The following SCN11A variants were observed in gnomAD, a reference collection of about 807,000 sequenced individuals.
The protein encoded by SCN11A is sodium channel protein type 11 subunit alpha.
A neutral mutation model predicts 162.2 loss-of-function variants in SCN11A; 122 were observed. The ratio of observed to expected loss-of-function variants is 0.75; its 90% CI spans 0.65 to 0.87. The LOEUF is 0.87. SCN11A is among the 40% of genes least tolerant of loss of function. The pLI is 0.00. For missense variants in SCN11A, 2,015 were observed against 2,181.6 expected, an observed-to-expected ratio of 0.92 and a Z score of 1.52; for synonymous variants, 758 against 751.5, an observed-to-expected ratio of 1.01 and a Z score of -0.14.
intron 2 of SCN11A, among the ~76,000 whole-genome samples, chr3:38,960,987 T>G (rs1360972408): frequency 6.6e-6 from 1 of 152,166 alleles, no homozygotes; most frequent in African/African-American, 2.4e-5. Flanking sequence ...TTTTTTTTGT[T>G]GTTTGTTTGT....
chr3:38,884,199 T>G lies in SCN11A; in HGVS notation c.3065-812A>C, dbSNP rs574841305. Among the ~76,000 whole-genome samples, 3 of 152,342 alleles carry G rather than the reference T, an allele frequency of 2.0e-5. No homozygotes were observed. In the South Asian group the frequency reaches 6.2e-4, roughly 32 times the overall value. ...TCTTCCAAAAACATCAGTAGGTTCA[T>G]CTTCCTAAAAGACTACACTTTTTTC... On this transcript the variant is annotated intron_variant, in intron 21 of 29. Coordinates refer to ENST00000302328, the MANE Select transcript of SCN11A (RefSeq NM_001349253.2).
In SCN11A at chr3:38,894,824, G is replaced by C. The variant is rs775972789; in HGVS notation, c.2544C>G (p.His848Gln). Residue 848 changes from histidine to glutamine, a missense_variant, in exon 19 of 30, where the codon CAC becomes CAG. His to Gln is a conservative substitution (Grantham distance 24). Transcript: ENST00000302328. ...ACTTGTGACAGAAATGCTCAAGAGT[G>C]TGTCTCACAAAACAAAAAGCCCGGC... ...RFRRAFCFVR[H>Q]TLEHFCHKWC... The C allele has an allele frequency of 6.2e-7, 1 of 1,614,198 alleles. No individual in the cohort carries two copies. Among genetic ancestry groups the C allele is most frequent in the Non-Finnish European group, 8.5e-7 (1 of 1,180,034 alleles).
intron 2 of SCN11A, among the ~76,000 whole-genome samples, chr3:38,960,728 C>G (rs765529597): frequency 1.2e-4 from 18 of 152,202 alleles, no homozygotes; most frequent in Non-Finnish European, 2.4e-4. Context: ...ACCCAGTGTT[C>G]TGGGGTCTCA....
At chr3:38,878,461 T>G (rs1347660238) in intron 23 of SCN11A, among the ~76,000 whole-genome samples, 1 of 152,094 alleles carries the variant, frequency 6.6e-6, no homozygotes, top group Non-Finnish European at 1.5e-5. Flanking sequence ...AATGTAGGGC[T>G]TGTATCCGGT....
chr3:38,932,706 C>T (rs1412282836), intron 7 of SCN11A, among the ~76,000 whole-genome samples: 1 of 152,216 alleles, frequency 6.6e-6, no homozygotes, highest in African/African-American at 2.4e-5. Flanking sequence ...CTTAGGTAAA[C>T]AAAGCAGCCG....
intron 2 of SCN11A, among the ~76,000 whole-genome samples, chr3:39,019,502 G>C (rs1488559325): frequency 3.3e-5 from 5 of 152,142 alleles, no homozygotes; most frequent in Admixed American, 2.6e-4. Context: ...TTTCTTTACT[G>C]CAATGCCATG....
intron 1 of SCN11A, among the ~76,000 whole-genome samples, chr3:39,034,579 G>A (rs1487222391): frequency 6.6e-6 from 1 of 152,144 alleles, no homozygotes; most frequent in Non-Finnish European, 1.5e-5. Context: ...CACTGTTATT[G>A]AATATTTTAA....
At chr3:39,014,723 A>G (rs2031241744) in intron 2 of SCN11A, among the ~76,000 whole-genome samples, 1 of 152,226 alleles carries the variant, frequency 6.6e-6, no homozygotes, top group African/African-American at 2.4e-5. Flanking sequence ...TAGGAATCCT[A>G]TAAATCCATG....
At chr3:38,911,370 A>G (rs2065885557) in intron 11 of SCN11A, among the ~76,000 whole-genome samples, 1 of 152,202 alleles carries the variant, frequency 6.6e-6, no homozygotes, top group Non-Finnish European at 1.5e-5. Context: ...CTGTGTTGCT[A>G]TTAAGAATTC....
chr3:38,877,054 A>ATATATGGTATATATATGGTGTATATAC, intron 23 of SCN11A, among the ~76,000 whole-genome samples: 1 of 98,822 alleles, frequency 1.0e-5, no homozygotes. Context: ...TGTATATACT[A>ATATATGGTATATATATGGTGTATATAC]TATATATGGT....
chr3:39,006,245 G>A (rs1188524059), intron 2 of SCN11A, among the ~76,000 whole-genome samples: 1 of 152,068 alleles, frequency 6.6e-6, no homozygotes, highest in Non-Finnish European at 1.5e-5. Flanking sequence ...GTTTTGCATT[G>A]TGTATTGTGT....
In SCN11A at chr3:38,920,036, A is replaced by G; in HGVS notation, c.893-35T>C. The G allele has an allele frequency of 2.7e-6, 4 of 1,504,606 alleles. No homozygotes were observed. The South Asian group carries it at 4.5e-5, about 17-fold the overall frequency. 93.2% of individuals were successfully genotyped at this position (1,504,606 alleles called of 1,614,324 possible). On this transcript the variant is annotated intron_variant, in intron 10 of 29. Transcript: ENST00000302328. Reference sequence around the variant, plus strand: ...GAAAAAGTCATAAATTCAGATTTTAAAAAAAACATTGAAAGGAAAGAGAAT... The same window carrying G: ...GAAAAAGTCATAAATTCAGATTTTAGAAAAAACATTGAAAGGAAAGAGAAT...
At chr3:38,879,120 C>T (rs191598637) in intron 23 of SCN11A, among the ~76,000 whole-genome samples, 3 of 152,214 alleles carry the variant, frequency 2.0e-5, no homozygotes, top group African/African-American at 4.8e-5. Context: ...GTGAGGCTTA[C>T]GAGGTTTGTA....
At chr3:39,033,482 C>T (rs961356752) in intron 1 of SCN11A, among the ~76,000 whole-genome samples, 3 of 152,148 alleles carry the variant, frequency 2.0e-5, no homozygotes, top group Non-Finnish European at 2.9e-5. Context: ...GTGAGAAAAG[C>T]ATTGTTATTA....
intron 23 of SCN11A, among the ~76,000 whole-genome samples, chr3:38,874,680 A>G (rs1024459937): frequency 6.6e-6 from 1 of 152,198 alleles, no homozygotes; most frequent in African/African-American, 2.4e-5. Context: ...TGTATATTTC[A>G]TCATACGTTT....
rs2064668888 is a variant in SCN11A, at chr3:38,846,695, C to T, written c.5375G>A (p.Ter1792=). The part of the protein sequence containing the change: ...GVAKGKVHCD[*] ...TGAGGTAGGCGTGGAGGTGAGGGCT[C>T]AGTCACAGTGGACCTTGCCCTTGGC... The change falls in exon 30 of 30, where the codon TGA becomes TAA. Residue 1792 remains the stop codon, a stop_retained_variant. Coordinates refer to ENST00000302328, the MANE Select transcript of SCN11A (RefSeq NM_001349253.2). 1 of 1,613,024 alleles carries T rather than the reference C, an allele frequency of 6.2e-7. No individual in the cohort carries two copies. Among genetic ancestry groups the T allele is most frequent in the Admixed American group, 1.7e-5 (1 of 60,000 alleles).
Position 38,867,420 on chromosome 3 carries a change from A to G in SCN11A, c.3852T>C (p.Gly1284=). ...QQPEFESNSL[G]YIYFVVFIIF... ...TGATAAAGACTACGAAGTAAATGTA[A>G]CCGAGTGAATTGCTCTCAAACTCTG... Residue 1284 remains glycine, a synonymous_variant, in exon 27 of 30, where the codon GGT becomes GGC. Coordinates refer to ENST00000302328, the MANE Select transcript of SCN11A (RefSeq NM_001349253.2). 1 of 1,613,284 alleles carries G rather than the reference A, an allele frequency of 6.2e-7. No individual in the cohort carries two copies. The highest frequency in any genetic ancestry group is 8.5e-7 in the Non-Finnish European group (1 of 1,179,374).
intron 1 of SCN11A, among the ~76,000 whole-genome samples, chr3:39,036,633 T>C (rs905717705): frequency 4.0e-5 from 6 of 151,198 alleles, no homozygotes; most frequent in East Asian, 1.9e-4. Context: ...CCAGAATATA[T>C]AAGGAACACA....
chr3:38,947,019 A>G, intron 5 of SCN11A, 112 bp from the exon 6 acceptor site: 1 of 668,438 alleles, frequency 1.5e-6, no homozygotes, highest in Non-Finnish European at 2.5e-6. Flanking sequence ...TATAACATAA[A>G]CTGTTGGGCT....
Sources: allele counts gnomAD v4.1 joint callset (sites outside exome capture counted in the v4.1 genomes callset), GRCh38; gene constraint gnomAD v4.1.1; transcripts MANE v1.5; gene names NCBI Gene and HGNC (gene_info 2026-07-23, HGNC 2026-07-21).